SCUBE1: variants seen among roughly 807,000 people sequenced by gnomAD.
The protein encoded by SCUBE1 is signal peptide, CUB domain and EGF like domain containing 1.
A neutral mutation model predicts 124.4 loss-of-function variants in SCUBE1; 59 were observed. The ratio of observed to expected loss-of-function variants is 0.47; its 90% confidence interval spans 0.38 to 0.59. SCUBE1 has a LOEUF of 0.59. SCUBE1 is among the 20% of genes least tolerant of loss of function. The pLI is 0.00. For synonymous variants in SCUBE1, 545 were observed against 550.9 expected, an observed-to-expected ratio of 0.99 and a Z score of 0.15; for missense variants, 1,150 against 1,371.2, an observed-to-expected ratio of 0.84 and a Z score of 2.55.
At chr22:43,231,093 C>T (rs1192226726) in intron 8 of SCUBE1, among the ~76,000 whole-genome samples, 1 of 152,358 alleles carries the variant, frequency 6.6e-6, no homozygotes, top group Middle Eastern at 3.4e-3. Flanking sequence ...TCCTCATGGC[C>T]TCATCCGGCC....
intron 1 of SCUBE1, among the ~76,000 whole-genome samples, chr22:43,340,296 GT>G (rs764340340): frequency 6.6e-5 from 10 of 152,048 alleles, no homozygotes; most frequent in Non-Finnish European, 1.0e-4. Flanking sequence ...CGTGAACCTG[GT>G]TTTCATGTCC....
intron 4 of SCUBE1, chr22:43,282,227 T>A (rs565679742): frequency 6.6e-6 from 1 of 152,380 alleles, no homozygotes; most frequent in Admixed American, 6.5e-5. Context: ...GTGAGGCCCA[T>A]GGTGTAGAGA....
intron 3 of SCUBE1, among the ~76,000 whole-genome samples, chr22:43,314,195 A>G (rs1156526163): frequency 6.6e-6 from 1 of 152,180 alleles, no homozygotes; most frequent in Non-Finnish European, 1.5e-5. Context: ...ACTGGGGACA[A>G]AACCTTGTGC....
At chr22:43,221,068 A>T in intron 13 of SCUBE1, 105 bp downstream of exon 13, 1 of 744,620 alleles carries the variant, frequency 1.3e-6, no homozygotes, top group Non-Finnish European at 2.3e-6. Flanking sequence ...AGAGACCTCC[A>T]CCCTTGGAAA....
rs527303475 is a variant in SCUBE1 at position 43,336,105 on chromosome 22, C to T, written c.220+2999G>A. Among the ~76,000 whole-genome samples, 6 of 152,296 alleles carry T rather than the reference C, an allele frequency of 3.9e-5. No homozygotes were observed. The South Asian group carries it at 1.2e-3, about 32-fold the overall frequency. ...TGAGTGCCTACTGTGTATTGGATGCCAGCCCCCAGTGCACTATACTGTGCC... is the reference window on the plus strand; with the variant it reads ...TGAGTGCCTACTGTGTATTGGATGCTAGCCCCCAGTGCACTATACTGTGCC... On this transcript the variant is annotated intron_variant, in intron 2 of 21. Transcript: ENST00000360835.
intron 21 of SCUBE1, 102 bp from the exon 22 acceptor site, chr22:43,204,251 G>A: frequency 1.0e-6 from 1 of 1,000,126 alleles, no homozygotes; most frequent in Non-Finnish European, 1.5e-6. Context: ...CTGGCTGGTG[G>A]GTTTCAGGAC....
chr22:43,206,786 G>A (rs1266395707), intron 21 of SCUBE1, among the ~76,000 whole-genome samples: 2 of 152,068 alleles, frequency 1.3e-5, no homozygotes, highest in Admixed American at 6.5e-5. Context: ...CTCCCAGGGC[G>A]GAGCTGGGGG....
chr22:43,288,475 C>CCCCCACCT (rs1267359234), intron 4 of SCUBE1, among the ~76,000 whole-genome samples: 1 of 152,198 alleles, frequency 6.6e-6, no homozygotes, highest in Non-Finnish European at 1.5e-5. Context: ...TGTTGTCCAG[C>CCCCCACCT]CCCCACCTCC....
chr22:43,277,688 G>C (rs1179104380), intron 4 of SCUBE1, among the ~76,000 whole-genome samples: 1 of 152,224 alleles, frequency 6.6e-6, no homozygotes, highest in East Asian at 1.9e-4. Flanking sequence ...ACTGTTCTCA[G>C]GATCTGATGA....
intron 2 of SCUBE1, among the ~76,000 whole-genome samples, chr22:43,330,330 C>A (rs1197599146): frequency 6.6e-6 from 1 of 152,192 alleles, no homozygotes; most frequent in Non-Finnish European, 1.5e-5. Flanking sequence ...GCATCAGAGA[C>A]CTGCTTCTGC....
At chr22:43,235,672 T>C (rs951608097) in intron 7 of SCUBE1, among the ~76,000 whole-genome samples, 5 of 152,146 alleles carry the variant, frequency 3.3e-5, no homozygotes, top group Non-Finnish European at 7.4e-5. Context: ...ACACGTCTGC[T>C]TTCTCTCACT....
At chr22:43,257,106 A>C (rs1046961010) in intron 6 of SCUBE1, among the ~76,000 whole-genome samples, 1 of 152,240 alleles carries the variant, frequency 6.6e-6, no homozygotes, top group Non-Finnish European at 1.5e-5. Context: ...AGGCAGCAGA[A>C]CCCATGATGA....
At chr22:43,305,711 C>T (rs946914004) in intron 3 of SCUBE1, among the ~76,000 whole-genome samples, 11 of 152,138 alleles carry the variant, frequency 7.2e-5, no homozygotes, top group Non-Finnish European at 1.2e-4. Flanking sequence ...GCCTCCACCA[C>T]GGGTGGGTCC....
At chr22:43,249,935 G>A (rs1336751544) in intron 6 of SCUBE1, among the ~76,000 whole-genome samples, 1 of 152,246 alleles carries the variant, frequency 6.6e-6, no homozygotes, top group Admixed American at 6.5e-5. Flanking sequence ...TGTCCCTGGC[G>A]GCTTCCCTTT....
At chr22:43,300,220 G>A (rs753974121) in intron 3 of SCUBE1, among the ~76,000 whole-genome samples, 3 of 151,538 alleles carry the variant, frequency 2.0e-5, no homozygotes, top group Admixed American at 6.6e-5. Flanking sequence ...GGGCGACACC[G>A]TTTTACATTT....
At chr22:43,303,468 C>T (rs1925850514) in intron 3 of SCUBE1, among the ~76,000 whole-genome samples, 1 of 152,248 alleles carries the variant, frequency 6.6e-6, no homozygotes, top group South Asian at 2.1e-4. Context: ...TGGCAACAAC[C>T]AGGACTAAGG....
chr22:43,338,642 C>T (rs1488056746), intron 2 of SCUBE1, among the ~76,000 whole-genome samples: 1 of 152,184 alleles, frequency 6.6e-6, no homozygotes, highest in Non-Finnish European at 1.5e-5. Context: ...TCTCCTGCCT[C>T]AGCTTCACGA....
In SCUBE1 at chr22:43,281,541, C is replaced by A. The variant is rs563507365; in HGVS notation, c.484+9505G>T. 8.7e-5 allele frequency among the ~76,000 whole-genome samples: 9 copies of A among 103,370 alleles called. 2 individuals carry two copies. Among genetic ancestry groups the A allele is most frequent in the African/African-American group, 3.3e-4 (9 of 27,674 alleles). The allele number at this position is 103,370 out of a possible 152,430, so 67.8% of individuals were successfully genotyped here. On this transcript the variant is annotated intron_variant, in intron 4 of 21. Transcript: ENST00000360835. ...CCACCCTCCTGTCACCTCCCTCAGT[C>A]ACCCTCCTGTCACCTCCCCCTCAGC...
At chr22:43,218,217 C>G (rs9623782) in intron 15 of SCUBE1, 38 bp downstream of exon 15, 303,756 of 1,595,102 alleles carry the variant, frequency 0.19, 37,615 homozygotes, top group East Asian at 0.51. Flanking sequence ...CAAGGAAGGA[C>G]AGAGTCAGCA....
Sources: allele counts gnomAD v4.1 joint callset (sites outside exome capture counted in the v4.1 genomes callset), GRCh38; gene constraint gnomAD v4.1.1; transcripts MANE v1.5; gene names NCBI Gene and HGNC (gene_info 2026-07-23, HGNC 2026-07-21).